The following THSD7B variants were observed in gnomAD, a reference collection of about 807,000 sequenced individuals.
THSD7B encodes thrombospondin type 1 domain containing 7B, also known as thrombospondin type-1 domain-containing protein 7B.
A neutral mutation model predicts 213.6 loss-of-function variants in THSD7B; 138 were observed. The observed-to-expected ratio is 0.65, with a 90% confidence interval of 0.56 to 0.74. The LOEUF (loss-of-function observed/expected upper bound fraction) is 0.74, where lower values mean the gene tolerates loss of function less well. Among genes scored for constraint, THSD7B ranks in the 30% least tolerant of loss-of-function variants. The pLI is 0.00. For missense variants in THSD7B, 1,931 were observed against 1,991.5 expected (o/e 0.97, Z 0.58); for synonymous variants, 742 against 687.0 (o/e 1.08, Z -1.25).
At chr2:136,796,932 G>A (rs1682076800) in intron 1 of THSD7B, among the ~76,000 whole-genome samples, 1 of 151,024 alleles carries the variant, frequency 6.6e-6, no homozygotes, top group Admixed American at 6.6e-5. Context: ...GAGCTTGGGA[G>A]GGTATAACTA....
At chr2:136,908,270 CAAT>C (rs1434954469) in intron 2 of THSD7B, among the ~76,000 whole-genome samples, 2 of 152,044 alleles carry the variant, frequency 1.3e-5, no homozygotes, top group East Asian at 1.9e-4. Flanking sequence ...GAAATAGCAG[CAAT>C]AATAATATTT....
chr2:137,236,154 A>G (rs1681757475), intron 9 of THSD7B, among the ~76,000 whole-genome samples: 1 of 152,190 alleles, frequency 6.6e-6, no homozygotes, highest in African/African-American at 2.4e-5. Context: ...TCATATATGA[A>G]ATCTTTGGGA....
At chr2:137,389,139 G>A (rs1294371782) in intron 12 of THSD7B, among the ~76,000 whole-genome samples, 1 of 146,718 alleles carries the variant, frequency 6.8e-6, no homozygotes, top group Non-Finnish European at 1.5e-5. Flanking sequence ...ACCACTAACA[G>A]TGTATAAGAG....
chr2:137,489,485 GTTAA>G (rs1340084248), intron 15 of THSD7B, among the ~76,000 whole-genome samples: 2 of 151,456 alleles, frequency 1.3e-5, no homozygotes, highest in East Asian at 3.9e-4. Flanking sequence ...GTAGAATCGA[GTTAA>G]TTAAGTTTTT....
intron 17 of THSD7B, among the ~76,000 whole-genome samples, chr2:137,585,619 G>T (rs1297489786): frequency 6.6e-6 from 1 of 152,128 alleles, no homozygotes; most frequent in East Asian, 1.9e-4. Context: ...TCAGGAGCAG[G>T]TTGTTCAGTA....
rs553769946 is a variant in THSD7B at position 136,998,023 on chromosome 2, C to T, written c.140-58397C>T. ...CCAAAATTCAGTAGTCACACCGTAG[C>T]AGACAACTGAGCAAGGAGCTCGGGA... On this transcript the variant is annotated intron_variant, in intron 2 of 27. Coordinates refer to ENST00000409968, the MANE Select transcript of THSD7B (RefSeq NM_001316349.2). Among the ~76,000 whole-genome samples the T allele has an allele frequency of 2.6e-5, 4 of 152,162 alleles. No individual in the cohort carries two copies. In the South Asian group the frequency reaches 8.3e-4, roughly 32 times the overall value.
chr2:137,076,102 C>T (rs976056034), intron 3 of THSD7B, among the ~76,000 whole-genome samples: 1 of 152,192 alleles, frequency 6.6e-6, no homozygotes, highest in Non-Finnish European at 1.5e-5. Flanking sequence ...AACCACTGCT[C>T]TCTTCAAAGC....
At chr2:136,896,425 C>G (rs568363) in intron 2 of THSD7B, among the ~76,000 whole-genome samples, 8 of 152,130 alleles carry the variant, frequency 5.3e-5, no homozygotes, top group African/African-American at 1.9e-4. Flanking sequence ...TTTCAAGAGT[C>G]CTTTGTACAT....
intron 12 of THSD7B, among the ~76,000 whole-genome samples, chr2:137,291,545 A>G (rs1340978515): frequency 6.6e-6 from 1 of 152,180 alleles, no homozygotes; most frequent in Non-Finnish European, 1.5e-5. Context: ...TAATGAAAGT[A>G]TGATTTTATT....
chr2:136,882,700 A>T (rs1419836020), intron 2 of THSD7B, among the ~76,000 whole-genome samples: 1 of 152,200 alleles, frequency 6.6e-6, no homozygotes, highest in Admixed American at 6.5e-5. Flanking sequence ...GGTTTAAACT[A>T]GTTAGCTATT....
chr2:137,022,243 T>A (rs1686458157), intron 2 of THSD7B, among the ~76,000 whole-genome samples: 1 of 152,168 alleles, frequency 6.6e-6, no homozygotes, highest in Non-Finnish European at 1.5e-5. Flanking sequence ...AGCTGCATGT[T>A]TAGTTTTGTA....
At chr2:137,584,644 AT>A (rs1485418705) in intron 17 of THSD7B, among the ~76,000 whole-genome samples, 1 of 152,060 alleles carries the variant, frequency 6.6e-6, no homozygotes, top group East Asian at 1.9e-4. Flanking sequence ...ATGTTTATTG[AT>A]TTGTGTATGT....
At chr2:136,765,961 G>A (rs945096755) in intron 1 of THSD7B, among the ~76,000 whole-genome samples, 3 of 152,220 alleles carry the variant, frequency 2.0e-5, no homozygotes, top group African/African-American at 4.8e-5. Flanking sequence ...GACGCCCCAC[G>A]CGGCGACCTG....
At chr2:136,986,192 A>AG (rs1422390734) in intron 2 of THSD7B, among the ~76,000 whole-genome samples, 3 of 57,092 alleles carry the variant, frequency 5.3e-5, no homozygotes, top group Non-Finnish European at 1.5e-4. Flanking sequence ...AATTAAGATT[A>AG]GGGGGGGACT....
At chr2:137,657,527 A>G (rs1487875750) in intron 24 of THSD7B, among the ~76,000 whole-genome samples, 2 of 152,188 alleles carry the variant, frequency 1.3e-5, no homozygotes, top group Admixed American at 6.5e-5. Flanking sequence ...CACCTGACAT[A>G]AAACATACTC....
At chr2:136,999,587 T>G (rs2104823831) in intron 2 of THSD7B, among the ~76,000 whole-genome samples, 1 of 152,190 alleles carries the variant, frequency 6.6e-6, no homozygotes, top group African/African-American at 2.4e-5. Flanking sequence ...GATTAATTAA[T>G]TTACCAAATC....
At chr2:137,557,897 C>G (rs1270649563) in intron 15 of THSD7B, among the ~76,000 whole-genome samples, 2 of 152,160 alleles carry the variant, frequency 1.3e-5, no homozygotes, top group Non-Finnish European at 2.9e-5. Context: ...ACTGATCCCA[C>G]AGAAATACAA....
intron 2 of THSD7B, among the ~76,000 whole-genome samples, chr2:136,949,991 C>T (rs142060424): frequency 8.1e-4 from 124 of 152,294 alleles, no homozygotes; most frequent in African/African-American, 2.8e-3. Flanking sequence ...GGGCGCAACA[C>T]GCCTGTAATC....
intron 7 of THSD7B, among the ~76,000 whole-genome samples, chr2:137,179,672 T>G (rs946510367): frequency 3.9e-5 from 6 of 152,158 alleles, no homozygotes; most frequent in Non-Finnish European, 7.4e-5. Context: ...ATTACTAAAT[T>G]AATGTATACA....
Sources: allele counts gnomAD v4.1 joint callset (sites outside exome capture counted in the v4.1 genomes callset), GRCh38; gene constraint gnomAD v4.1.1; transcripts MANE v1.5; gene names NCBI Gene and HGNC (gene_info 2026-07-23, HGNC 2026-07-21).